IRAG2: variants seen among roughly 807,000 people sequenced by gnomAD.
The protein encoded by IRAG2 is inositol 1,4,5-triphosphate receptor associated 2, also known as lymphoid restricted membrane protein.
In IRAG2, 45 loss-of-function variants were observed where a neutral mutation model predicts 69.9. The ratio of observed to expected loss-of-function variants is 0.64; its 90% CI spans 0.51 to 0.83. The LOEUF is 0.83. IRAG2 is among the 40% of genes least tolerant of loss of function. The probability of loss-of-function intolerance (pLI) is 0.00; values close to 1 mark genes in which losing one functional copy is unlikely to be tolerated. For missense variants in IRAG2, 520 were observed against 587.0 expected (o/e 0.89, Z 1.18); for synonymous variants, 193 against 202.4 (o/e 0.95, Z 0.40).
intron 9 of IRAG2, among the ~76,000 whole-genome samples, 176 bp downstream of exon 9, chr12:25,079,939 C>T (rs1947083461): frequency 6.6e-6 from 1 of 152,142 alleles, no homozygotes; most frequent in Non-Finnish European, 1.5e-5. Flanking sequence ...CAAGTGGTAA[C>T]TAACCATGGC....
intron 15 of IRAG2, chr12:25,100,852 C>A: frequency 1.2e-5 from 2 of 160,154 alleles, no homozygotes; most frequent in Non-Finnish European, 2.6e-5. Flanking sequence ...CACAGACTTT[C>A]AACCATTTCT....
chr12:25,065,789 C>T (rs1408045029), intron 4 of IRAG2, among the ~76,000 whole-genome samples: 1 of 152,222 alleles, frequency 6.6e-6, no homozygotes. Flanking sequence ...CCTGCCTTAG[C>T]CCCCCAAGTA....
intron 5 of IRAG2, chr12:25,017,065 C>T (rs974445597): frequency 1.9e-5 from 22 of 1,179,972 alleles, no homozygotes; most frequent in Non-Finnish European, 2.2e-5. Context: ...TTTGTTTAAC[C>T]GTATACCTTA....
intron 19 of IRAG2, 87 bp from the exon 20 acceptor site, chr12:25,104,274 T>A: frequency 1.0e-6 from 1 of 969,806 alleles, no homozygotes; most frequent in Admixed American, 1.9e-5. Context: ...ACATATAATT[T>A]TGTATTTACT....
exon 4 of IRAG2, chr12:25,015,192 A>T: frequency 1.7e-6 from 2 of 1,146,120 alleles, no homozygotes; most frequent in Non-Finnish European, 1.1e-6. Flanking sequence ...GGAAGGAGTG[A>T]ATCATAGATT....
At chr12:25,020,764 A>G (rs776200240) in intron 6 of IRAG2, 8 of 1,114,778 alleles carry the variant, frequency 7.2e-6, no homozygotes, top group South Asian at 4.6e-5. Context: ...GGTTTTGCTC[A>G]TGGCCTTCTC....
intron 8 of IRAG2, among the ~76,000 whole-genome samples, chr12:25,025,527 A>C (rs1283413017): frequency 2.1e-5 from 3 of 144,288 alleles, no homozygotes; most frequent in Non-Finnish European, 4.7e-5. Context: ...ACAAAACAAA[A>C]AAAACACTTG....
chr12:25,026,351 C>T (rs1226469256), intron 8 of IRAG2, among the ~76,000 whole-genome samples: 2 of 152,042 alleles, frequency 1.3e-5, no homozygotes, highest in East Asian at 1.9e-4. Context: ...TAGGTAAATG[C>T]TAAGAAGCAG....
chr12:25,068,028 A>G (rs932637281), intron 5 of IRAG2, among the ~76,000 whole-genome samples: 2 of 151,992 alleles, frequency 1.3e-5, no homozygotes, highest in African/African-American at 4.8e-5. Context: ...TTTAGTAGAG[A>G]CAAGGTTTCG....
chr12:25,104,151 G>C, intron 19 of IRAG2, 93 bp downstream of exon 19: 1 of 1,077,606 alleles, frequency 9.3e-7, no homozygotes, highest in Non-Finnish European at 1.4e-6. Context: ...ATATAGTAAT[G>C]TTTGATTTGT....
Position 25,083,486 on chromosome 12 carries a change from T to C in IRAG2, c.308T>C (p.Leu103Ser). The change falls in exon 10 of 22, where the codon TTA (leucine) becomes TCA (serine). Residue 103 changes from leucine to serine, a missense_variant. Transcript: ENST00000556887. ...QDSTSKDKTI[L>S]NLEAKEEPET... ...TCTACGAGTAAGGATAAAACCATAT[T>C]AAATCTGGTAAGGAAATACGTATGT... The C allele has an allele frequency of 6.3e-7, 1 of 1,592,114 alleles. No individual in the cohort carries two copies. The highest frequency in any genetic ancestry group is 1.1e-5 in the South Asian group (1 of 90,544).
At chr12:25,082,396 C>T (rs1042992727) in intron 9 of IRAG2, among the ~76,000 whole-genome samples, 3 of 151,856 alleles carry the variant, frequency 2.0e-5, no homozygotes, top group Non-Finnish European at 4.4e-5. Context: ...CTCAAGAGTT[C>T]AAGACCAGCC....
chr12:25,010,528 CTCTT>C lies in IRAG2; in HGVS notation c.689-812_689-809del, dbSNP rs1591922656. Among the ~76,000 whole-genome samples the C allele has an allele frequency of 2.6e-5, 4 of 151,768 alleles. No homozygotes were observed. In the East Asian group the frequency reaches 5.8e-4, roughly 22 times the overall value. On this transcript the variant is annotated intron_variant, in intron 2 of 38. Transcript: ENST00000636465. Reference sequence around the variant, plus strand: ...AATAACTGTATTAGTCATTTTATTTCTCTTTCTAATAGTGTCACATCTAAATGAC... The same window carrying C: ...AATAACTGTATTAGTCATTTTATTTCTCTAATAGTGTCACATCTAAATGAC...
At chr12:25,080,145 G>A (rs990543980) in intron 9 of IRAG2, among the ~76,000 whole-genome samples, 15 of 152,106 alleles carry the variant, frequency 9.9e-5, no homozygotes, top group African/African-American at 4.8e-5. Context: ...AGGTTAGAAC[G>A]ATGGAGCAAT....
chr12:25,071,882 G>C (rs1946362320), intron 6 of IRAG2, among the ~76,000 whole-genome samples: 1 of 151,818 alleles, frequency 6.6e-6, no homozygotes, highest in African/African-American at 2.4e-5. Context: ...TGACTGCGTG[G>C]TTTTGTCTGT....
intron 6 of IRAG2, chr12:25,075,933 G>A (rs1946664086): frequency 6.6e-6 from 1 of 152,134 alleles, no homozygotes; most frequent in Non-Finnish European, 1.5e-5. Context: ...GTTATGTTCT[G>A]CTGTGGGCCT....
intron 9 of IRAG2, among the ~76,000 whole-genome samples, chr12:25,029,805 C>T (rs948939953): frequency 2.6e-5 from 4 of 152,002 alleles, no homozygotes; most frequent in East Asian, 1.9e-4. Flanking sequence ...CTCAGCCTCC[C>T]GAGTGCCTGA....
intron 7 of IRAG2, among the ~76,000 whole-genome samples, chr12:25,021,741 T>C (rs1944582878): frequency 6.6e-6 from 1 of 152,254 alleles, no homozygotes; most frequent in Admixed American, 6.5e-5. Flanking sequence ...AGGTATCAGT[T>C]GCAAAACTGT....
At chr12:25,075,873 T>C (rs1256260952) in intron 6 of IRAG2, 1 of 152,192 alleles carries the variant, frequency 6.6e-6, no homozygotes, top group Non-Finnish European at 1.5e-5. Flanking sequence ...TTATATCTAG[T>C]AGATTATCTT....
Sources: gnomAD v4.1 joint callset for allele counts (sites outside exome capture counted in the v4.1 genomes callset) on GRCh38, gnomAD v4.1.1 for gene constraint, MANE v1.5 for transcripts, NCBI Gene and HGNC (gene_info 2026-07-23, HGNC 2026-07-21) for gene names.